Variants in MKLN1 observed in about 807,000 individuals in gnomAD.
The protein encoded by MKLN1 is muskelin.
A neutral mutation model predicts 99.0 loss-of-function variants in MKLN1; 18 were observed. The observed-to-expected ratio is 0.18, with a 90% CI of 0.13 to 0.27. The LOEUF is 0.27. Among genes scored for constraint, MKLN1 ranks in the 10% least tolerant of loss-of-function variants. The pLI is 1.00. For missense variants in MKLN1, 621 were observed against 875.9 expected (o/e 0.71, Z 3.67); for synonymous variants, 288 against 293.2 (o/e 0.98, Z 0.18).
chr7:131,457,440 A>G (rs879600188), intron 12 of MKLN1, among the ~76,000 whole-genome samples: 1 of 152,202 alleles, frequency 6.6e-6, no homozygotes. Context: ...GAAGACTACA[A>G]CAAATGTAAG....
chr7:131,235,326 GGAGAGA>G (rs5887502), intron 3 of MKLN1, among the ~76,000 whole-genome samples: 268 of 148,042 alleles, frequency 1.8e-3, no homozygotes, highest in African/African-American at 6.1e-3. Context: ...AGAGAGAGAG[GGAGAGA>G]GAGAGAGAGA....
chr7:131,295,875 G>C (rs751977433), intron 3 of MKLN1, among the ~76,000 whole-genome samples: 1 of 130,368 alleles, frequency 7.7e-6, no homozygotes, highest in Non-Finnish European at 1.6e-5. Flanking sequence ...ACAGAGCAAC[G>C]TCCTATCCAA....
rs1482232238 is a variant in MKLN1, at chr7:131,464,396, T to C, written c.1776T>C (p.Asp592=). Residue 592 remains aspartate, a synonymous_variant, in exon 14 of 18, where the codon GAT becomes GAC. Coordinates refer to ENST00000352689, the MANE Select transcript of MKLN1 (RefSeq NM_013255.5). ...CPRFAHQLVY[D]ELHKVHYLFG... ...GGTTTGCCCATCAGCTTGTATACGA[T>C]GAGCTACACAAGGTATCCTAACTAC... 1 of 1,607,622 alleles carries C rather than the reference T, an allele frequency of 6.2e-7. No homozygotes were observed. The highest frequency in any genetic ancestry group is 8.5e-7 in the Non-Finnish European group (1 of 1,174,272).
intron 1 of MKLN1, among the ~76,000 whole-genome samples, chr7:131,354,881 C>T (rs1010040536): frequency 3.3e-5 from 5 of 152,220 alleles, no homozygotes; most frequent in South Asian, 2.1e-4. Flanking sequence ...TCCCCCAACC[C>T]CAATGATTTA....
chr7:131,264,633 T>A (rs1234601346), intron 3 of MKLN1, among the ~76,000 whole-genome samples: 1 of 152,078 alleles, frequency 6.6e-6, no homozygotes, highest in African/African-American at 2.4e-5. Flanking sequence ...TATTTTTGGG[T>A]CCCCGGAGGG....
chr7:131,439,761 A>C (rs1225755195), intron 10 of MKLN1, among the ~76,000 whole-genome samples: 1 of 152,180 alleles, frequency 6.6e-6, no homozygotes, highest in African/African-American at 2.4e-5. Context: ...ATTTAAAGAC[A>C]TCTGGATTTC....
rs1797851495 is a variant in MKLN1 at position 131,269,284 on chromosome 7, A to T, written c.-179+66310A>T. ...TAAACAACAGAAATGTATTGCCCACAGTTCTAGAGGCTGTAAAGTCCAAGA... is the reference window on the plus strand; with the variant it reads ...TAAACAACAGAAATGTATTGCCCACTGTTCTAGAGGCTGTAAAGTCCAAGA... On this transcript the variant is annotated intron_variant, in intron 3 of 7. Transcript: ENST00000416992. Among the ~76,000 whole-genome samples the T allele has an allele frequency of 2.6e-5, 4 of 152,240 alleles. No individual in the cohort carries two copies. The South Asian group carries it at 8.3e-4, about 32-fold the overall frequency.
intron 3 of MKLN1, among the ~76,000 whole-genome samples, chr7:131,295,268 A>G (rs1001584990): frequency 3.3e-5 from 5 of 152,148 alleles, no homozygotes; most frequent in African/African-American, 1.2e-4. Flanking sequence ...TGGTCTCTCA[A>G]AGTGCTGGGA....
At position 131,492,409 on chromosome 7, in the gene MKLN1, C is replaced by A. The variant is rs527839167; in HGVS notation, c.*4681C>A. On this transcript the variant is annotated 3_prime_UTR_variant, in exon 18 of 18. Transcript: ENST00000352689. ...TTTTTTTCCTTAAATAAAAATAATG[C>A]AGCCTTATATATGTCTCTTCCCCTC... 1 of 151,698 alleles carries A rather than the reference C, an allele frequency of 6.6e-6. No individual in the cohort carries two copies. Among genetic ancestry groups the A allele is most frequent in the Non-Finnish European group, 1.5e-5 (1 of 67,950 alleles). 9.4% of individuals were successfully genotyped at this position (151,698 alleles called of 1,614,324 possible). A position where few individuals can be genotyped will look rare whatever the true frequency, so the allele number is the denominator to read the frequency against.
At chr7:131,222,860 C>CA (rs375317109) in intron 3 of MKLN1, among the ~76,000 whole-genome samples, 34,942 of 88,452 alleles carry the variant, frequency 0.4, 5,012 homozygotes, top group African/African-American at 0.48. Flanking sequence ...GCTAAAAATA[C>CA]AAAAAAAAAA....
At chr7:131,215,286 G>T (rs1463685632) in intron 3 of MKLN1, among the ~76,000 whole-genome samples, 2 of 152,154 alleles carry the variant, frequency 1.3e-5, no homozygotes, top group Admixed American at 1.3e-4. Context: ...AACCATAAGT[G>T]ATCCACACAC....
chr7:131,226,693 T>C (rs1797152237), intron 3 of MKLN1, among the ~76,000 whole-genome samples: 1 of 152,208 alleles, frequency 6.6e-6, no homozygotes, highest in African/African-American at 2.4e-5. Flanking sequence ...TTGTGAGTCA[T>C]GAGAATGGGA....
chr7:131,153,606 A>G (rs1391653238), intron 2 of MKLN1, among the ~76,000 whole-genome samples: 1 of 151,804 alleles, frequency 6.6e-6, no homozygotes, highest in East Asian at 1.9e-4. Context: ...TGAATAAACT[A>G]TGATACCTAC....
chr7:131,139,504 C>A (rs1795700244), intron 1 of MKLN1, among the ~76,000 whole-genome samples: 2 of 152,158 alleles, frequency 1.3e-5, no homozygotes, highest in South Asian at 4.1e-4. Flanking sequence ...TAGAGAGGCC[C>A]CCTGCTTGGA....
chr7:131,377,105 G>A (rs933763804), intron 2 of MKLN1, among the ~76,000 whole-genome samples: 3 of 151,950 alleles, frequency 2.0e-5, no homozygotes, highest in South Asian at 2.1e-4. Context: ...ACAGTTCTTC[G>A]CTATTATGAT....
chr7:131,420,362 T>C (rs976049604), intron 8 of MKLN1, among the ~76,000 whole-genome samples: 1 of 151,902 alleles, frequency 6.6e-6, no homozygotes, highest in Non-Finnish European at 1.5e-5. Context: ...GCTGACAGGA[T>C]TTTTTGATGA....
intron 3 of MKLN1, among the ~76,000 whole-genome samples, chr7:131,254,424 A>C (rs1001007632): frequency 6.6e-6 from 1 of 152,208 alleles, no homozygotes; most frequent in Non-Finnish European, 1.5e-5. Flanking sequence ...ACATAACATA[A>C]GGAGAGGGAA....
At chr7:131,128,880 G>A (rs1313137731) in intron 1 of MKLN1, among the ~76,000 whole-genome samples, 1 of 146,752 alleles carries the variant, frequency 6.8e-6, no homozygotes, top group Non-Finnish European at 1.5e-5. Flanking sequence ...GACCACACGT[G>A]TGTGCCACCT....
Position 131,487,805 on chromosome 7 carries a change from C to G in MKLN1, c.*77C>G. ...TTTGGATTGCAGCTCCACTGACTGA[C>G]AGTAAAGCTGCAGTGATTGAGGACT... is the stretch of plus-strand genomic sequence containing the variant. On this transcript the variant is annotated 3_prime_UTR_variant, in exon 18 of 18. Coordinates refer to ENST00000352689, the MANE Select transcript of MKLN1 (RefSeq NM_013255.5). The surrounding 1 kb of genome is among the most constrained non-coding windows in gnomAD (Gnocchi z 4.7). The G allele has an allele frequency of 2.6e-6, 4 of 1,525,338 alleles. No individual in the cohort carries two copies. Among genetic ancestry groups the G allele is most frequent in the Non-Finnish European group, 3.6e-6 (4 of 1,122,238 alleles). 94.5% of individuals were successfully genotyped at this position (1,525,338 alleles called of 1,614,324 possible).
Sources: gnomAD v4.1 joint callset for allele counts (sites outside exome capture counted in the v4.1 genomes callset) on GRCh38, gnomAD v4.1.1 for gene constraint, Gnocchi (gnomAD v3.1) non-coding constraint, MANE v1.5 for transcripts, NCBI Gene and HGNC (gene_info 2026-07-23, HGNC 2026-07-21) for gene names.